TTLL8: variants seen among roughly 807,000 people sequenced by gnomAD.
TTLL8 encodes tubulin tyrosine ligase like 8.
A neutral mutation model predicts 77.8 loss-of-function variants in TTLL8; 65 were observed. That is an observed-to-expected ratio of 0.84 (90% confidence interval 0.68 to 1.03). TTLL8 has a LOEUF of 1.03. TTLL8 is among the 50% of genes least tolerant of loss of function. TTLL8 has a pLI of 0.00. For missense variants in TTLL8, 910 were observed against 1,004.5 expected (o/e 0.91, Z 1.27); for synonymous variants, 402 against 422.8 (o/e 0.95, Z 0.60).
At chr22:50,053,806 G>A (rs7290681) in intron 1 of TTLL8, among the ~76,000 whole-genome samples, 69,534 of 152,100 alleles carry the variant, frequency 0.46, 18,082 homozygotes, top group African/African-American at 0.7. Flanking sequence ...GACTGCACAT[G>A]TTTGTACCTG....
exon 12 of TTLL8, chr22:50,030,538 G>A: frequency 1.5e-6 from 2 of 1,325,162 alleles, no homozygotes; most frequent in Non-Finnish European, 2.0e-6. Flanking sequence ...CTTTTGGCGG[G>A]CTGGGCTACG....
exon 10 of TTLL8, chr22:50,033,340 G>A (rs764665239): frequency 3.3e-5 from 45 of 1,365,154 alleles, no homozygotes; most frequent in South Asian, 1.4e-4. Flanking sequence ...GATGAGCAGC[G>A]GCGTCTCGAT....
At chr22:50,045,442 G>A in intron 5 of TTLL8, 53 bp from the exon 8 acceptor site, 1 of 1,347,996 alleles carries the variant, frequency 7.4e-7, no homozygotes, top group Non-Finnish European at 9.9e-7. Flanking sequence ...ACTGGGGACT[G>A]GAGATGGGGC....
chr22:50,045,891 C>T, exon 5 of TTLL8: 1 of 1,360,260 alleles, frequency 7.4e-7, no homozygotes, highest in Non-Finnish European at 9.8e-7. Flanking sequence ...GGTGCAGAGG[C>T]TGTAGCAGCG....
intron 8 of TTLL8, among the ~76,000 whole-genome samples, chr22:50,037,227 CAG>C: frequency 6.7e-6 from 1 of 149,846 alleles, no homozygotes; most frequent in Non-Finnish European, 1.5e-5. Flanking sequence ...TTTTTTGAGA[CAG>C]AGTCTTGCTC....
rs1569226179 is a variant in TTLL8 at position 50,034,665 on chromosome 22, AAC to A, written c.922-205_922-204del. On this transcript the variant is annotated intron_variant, in intron 8 of 13. Transcript: ENST00000266182. This position sits in a 1 kb window ranked among gnomAD's most constrained non-coding sequence, Gnocchi z 4.1. ...CTCCCAACAGTATGGACACCTGGAAAACACAGCCCTGTGAGGCTGCTCCAGAC... is the reference window on the plus strand; with the variant it reads ...CTCCCAACAGTATGGACACCTGGAAAACAGCCCTGTGAGGCTGCTCCAGAC... 2.6e-5 allele frequency among the ~76,000 whole-genome samples: 4 copies of A among 152,214 alleles called. No individual in the cohort carries two copies. The South Asian group carries it at 8.3e-4, about 32-fold the overall frequency.
At position 50,034,824 on chromosome 22, in the gene TTLL8, C is replaced by T. The variant is rs184209673; in HGVS notation, c.922-362G>A. On this transcript the variant is annotated intron_variant, in intron 8 of 13. Transcript: ENST00000266182. The surrounding 1 kb of genome is among the most constrained non-coding windows in gnomAD (Gnocchi z 4.1). ...GTGGGGAGATGCAGCCACGCGGAAACGTGGGAGACACAGGCGGGGGCAGAC... is the reference window on the plus strand; with the variant it reads ...GTGGGGAGATGCAGCCACGCGGAAATGTGGGAGACACAGGCGGGGGCAGAC... Among the ~76,000 whole-genome samples the T allele has an allele frequency of 1.1e-4, 16 of 152,196 alleles. No individual in the cohort carries two copies. The highest frequency in any genetic ancestry group is 3.6e-4 in the African/African-American group (15 of 41,544).
At chr22:50,048,543 T>C (rs1305441995) in intron 3 of TTLL8, among the ~76,000 whole-genome samples, 1 of 152,116 alleles carries the variant, frequency 6.6e-6, no homozygotes, top group East Asian at 1.9e-4. Flanking sequence ...AATGTTCTGA[T>C]GTGTCCACAC....
rs938842161 is a variant in TTLL8 at position 50,034,897 on chromosome 22, C to T, written c.922-435G>A. Among the ~76,000 whole-genome samples the T allele has an allele frequency of 6.6e-6, 1 of 152,270 alleles. No homozygotes were observed. Among genetic ancestry groups the T allele is most frequent in the Middle Eastern group, 3.4e-3 (1 of 292 alleles). On this transcript the variant is annotated intron_variant, in intron 8 of 13. Transcript: ENST00000266182. The surrounding 1 kb of genome is among the most constrained non-coding windows in gnomAD (Gnocchi z 4.1). ...TGTGGTTGGTGGTGCCTGGGACCGA[C>T]CCCTGGTAGGAAAGTGGCCGGCCCG...
chr22:50,055,405 G>C, upstream of TTLL8: 1 of 1,113,594 alleles, frequency 9.0e-7, no homozygotes, highest in Non-Finnish European at 1.2e-6. Flanking sequence ...TGTAATCCCA[G>C]CACTGTGGGA....
chr22:50,020,456 T>G (rs1478990959), intron 12 of TTLL8, among the ~76,000 whole-genome samples: 1 of 148,188 alleles, frequency 6.7e-6, no homozygotes, highest in African/African-American at 2.5e-5. Context: ...CGAAATGCAC[T>G]CCTCCATCAG....
At position 50,045,860 on chromosome 22, in the gene TTLL8, G is replaced by A; in HGVS notation, c.504C>T (p.Phe168=). ...CTCTGCCGTCTCCTCACTTACCCAGGAACTCCTGCTGCTCACTCTCGGTGC... is the reference window on the plus strand; with the variant it reads ...CTCTGCCGTCTCCTCACTTACCCAGAAACTCCTGCTGCTCACTCTCGGTGC... The change falls in exon 5 of 14, where the codon TTC becomes TTT. Residue 168 remains phenylalanine (F), a synonymous_variant. Transcript: ENST00000266182. The A allele has an allele frequency of 3.7e-6, 5 of 1,348,624 alleles. No individual in the cohort carries two copies. The South Asian group carries it at 4.7e-5, about 13-fold the overall frequency. The allele number at this position is 1,348,624 out of a possible 1,614,324, so 83.5% of individuals were successfully genotyped here.
At chr22:50,048,033 G>A (rs1017261302) in intron 3 of TTLL8, among the ~76,000 whole-genome samples, 2 of 152,070 alleles carry the variant, frequency 1.3e-5, no homozygotes, top group African/African-American at 4.8e-5. Context: ...GGAGGCAGAG[G>A]TTGCAGTGAG....
intron 11 of TTLL8, among the ~76,000 whole-genome samples, chr22:50,031,386 G>A (rs1367945694): frequency 6.6e-6 from 1 of 152,252 alleles, no homozygotes; most frequent in Non-Finnish European, 1.5e-5. Context: ...GACTGGGTGA[G>A]GCTGGGAACA....
upstream of TTLL8, among the ~76,000 whole-genome samples, chr22:50,057,426 G>GGC (rs2061481873): frequency 4.5e-5 from 4 of 88,764 alleles, no homozygotes; most frequent in Admixed American, 1.1e-4. Context: ...GTCTGGGTTG[G>GGC]GGGTCAGGTC....
chr22:50,041,381 G>T lies in TTLL8; in HGVS notation c.831-104C>A. 1 of 823,992 alleles carries T rather than the reference G, an allele frequency of 1.2e-6. No individual in the cohort carries two copies. The highest frequency in any genetic ancestry group is 1.8e-6 in the Non-Finnish European group (1 of 558,260). The allele number at this position is 823,992 out of a possible 1,614,324, so 51.0% of individuals were successfully genotyped here. A position where few individuals can be genotyped will look rare whatever the true frequency, so the allele number is the denominator to read the frequency against. On this transcript the variant is annotated intron_variant, in intron 7 of 13. Transcript: ENST00000266182. The surrounding 1 kb of genome is among the most constrained non-coding windows in gnomAD (Gnocchi z 4.3). ...CATAAGGCACCCCAAGATCCAGACA[G>T]ACACCCCAATACCCAACAAGTATCC... is the stretch of plus-strand genomic sequence containing the variant.
At chr22:50,040,327 C>T (rs2061362776) in intron 8 of TTLL8, among the ~76,000 whole-genome samples, 1 of 152,080 alleles carries the variant, frequency 6.6e-6, no homozygotes, top group South Asian at 2.1e-4. Flanking sequence ...CCTCAAGGAC[C>T]TCACATGTGC....
intron 10 of TTLL8, among the ~76,000 whole-genome samples, chr22:50,032,650 C>T (rs1007719679): frequency 6.6e-6 from 1 of 152,204 alleles, no homozygotes; most frequent in African/African-American, 2.4e-5. Flanking sequence ...CCTGCCCAGC[C>T]GTCAGGTCCC....
intron 12 of TTLL8, among the ~76,000 whole-genome samples, chr22:50,025,234 C>CTG (rs2061224548): frequency 1.4e-5 from 2 of 147,494 alleles, no homozygotes; most frequent in Admixed American, 1.4e-4. Flanking sequence ...TATACACCTA[C>CTG]TGTGTACCCA....
Sources: gnomAD v4.1 joint callset for allele counts (sites outside exome capture counted in the v4.1 genomes callset) on GRCh38, gnomAD v4.1.1 for gene constraint, Gnocchi (gnomAD v3.1) non-coding constraint, MANE v1.5 for transcripts, NCBI Gene and HGNC (gene_info 2026-07-23, HGNC 2026-07-21) for gene names.